The following RPRD1B variants were observed in gnomAD, a reference collection of about 807,000 sequenced individuals.
RPRD1B encodes regulation of nuclear pre-mRNA domain-containing protein 1B.
RPRD1B carries 11 observed loss-of-function variants against 41.5 expected under a neutral mutation model. That is an observed-to-expected ratio of 0.27 (90% CI 0.17 to 0.44). The LOEUF (loss-of-function observed/expected upper bound fraction) is 0.44, where lower values mean the gene tolerates loss of function less well. Ranked by LOEUF, RPRD1B falls within the 20% of genes least tolerant of loss-of-function variation. The pLI, the probability that RPRD1B is intolerant of heterozygous loss-of-function variation, is 1.00. For missense variants in RPRD1B, 248 were observed against 389.9 expected (o/e 0.64, Z 3.06); for synonymous variants, 158 against 155.6 (o/e 1.02, Z -0.12).
Position 38,090,884 on chromosome 20 carries a change from G to A in RPRD1B, c.*1009G>A. The A allele has an allele frequency of 1.0e-6, 1 of 985,238 alleles. No homozygotes were observed. The highest frequency in any genetic ancestry group is 1.2e-6 in the Non-Finnish European group (1 of 829,902). The allele number at this position is 985,238 out of a possible 1,614,324, so 61.0% of individuals were successfully genotyped here. ...ATCACTGCAAATAGGACGCTGAGCA[G>A]GTCCGTCTGTCATGTCACGCCACTG... On this transcript the variant is annotated 3_prime_UTR_variant, in exon 7 of 7. Transcript: ENST00000373433.
intron 1 of RPRD1B, among the ~76,000 whole-genome samples, chr20:38,038,494 T>TTTTG (rs2074028385): frequency 1.6e-5 from 2 of 124,884 alleles, no homozygotes; most frequent in African/African-American, 6.4e-5. Flanking sequence ...TGTTTTGTTT[T>TTTTG]TTTTTTTTTT....
chr20:38,091,853 G>A lies in RPRD1B; in HGVS notation c.*1978G>A. 12 of 985,814 alleles carry A rather than the reference G, an allele frequency of 1.2e-5. No individual in the cohort carries two copies. Among genetic ancestry groups the A allele is most frequent in the Non-Finnish European group, 1.4e-5 (12 of 829,910 alleles). 61.1% of individuals were successfully genotyped at this position (985,814 alleles called of 1,614,324 possible). On this transcript the variant is annotated 3_prime_UTR_variant, in exon 7 of 7. Transcript: ENST00000373433. ...CAACTGAGTCTCTGACCAGCAATTGGTGCATAATTATTACAGCAAAAGTTA... is the reference window on the plus strand; with the variant it reads ...CAACTGAGTCTCTGACCAGCAATTGATGCATAATTATTACAGCAAAAGTTA...
At chr20:38,064,333 G>A (rs1367516689) in intron 5 of RPRD1B, among the ~76,000 whole-genome samples, 1 of 152,136 alleles carries the variant, frequency 6.6e-6, no homozygotes, top group Non-Finnish European at 1.5e-5. Flanking sequence ...AGAAGGCATC[G>A]AAAAGCCAGA....
chr20:38,046,148 G>T (rs748218835), intron 2 of RPRD1B, among the ~76,000 whole-genome samples: 10 of 152,154 alleles, frequency 6.6e-5, no homozygotes, highest in Non-Finnish European at 1.3e-4. Context: ...AATACATACG[G>T]GTGGGTGTTG....
At chr20:38,081,096 T>C (rs1490553487) in intron 6 of RPRD1B, among the ~76,000 whole-genome samples, 6 of 144,052 alleles carry the variant, frequency 4.2e-5, no homozygotes, top group East Asian at 2.0e-4. Context: ...TTCCTAATTC[T>C]GTGAAGAATG....
intron 6 of RPRD1B, among the ~76,000 whole-genome samples, chr20:38,081,498 G>A (rs1490119314): frequency 2.6e-5 from 4 of 152,186 alleles, no homozygotes; most frequent in Admixed American, 2.0e-4. Flanking sequence ...AGCCTGCAAC[G>A]AGAGATAGTT....
rs1223486320 is a variant in RPRD1B, at chr20:38,059,237, T to G, written c.529-157T>G. 3.9e-5 allele frequency among the ~76,000 whole-genome samples: 6 copies of G among 152,222 alleles called. No individual in the cohort carries two copies. In the East Asian group the frequency reaches 9.6e-4, roughly 24 times the overall value. On this transcript the variant is annotated intron_variant, in intron 4 of 6. Coordinates refer to ENST00000373433, the MANE Select transcript of RPRD1B (RefSeq NM_021215.4). The stretch of plus-strand genomic sequence containing the variant: ...TGGATTTTCTTAGAGTCCGTGACAT[T>G]GACTTACATGTAAGCTCTGGGGCTA...
intron 5 of RPRD1B, among the ~76,000 whole-genome samples, chr20:38,061,255 ACT>A (rs1460243094): frequency 2.6e-5 from 4 of 152,152 alleles, no homozygotes; most frequent in African/African-American, 9.7e-5. Flanking sequence ...CCAAACTGAA[ACT>A]CTATACCCGT....
rs1600451305 is a variant in RPRD1B, at chr20:38,090,990, G to T, written c.*1115G>T. ...GCTCGTCTCGGGCAGGGGAAGCGGG[G>T]AGTTGGGGATATTAATTGGGGGTTT... On this transcript the variant is annotated 3_prime_UTR_variant, in exon 7 of 7. Transcript: ENST00000373433. 1.0e-6 allele frequency: 1 copy of T among 985,576 alleles called. No homozygotes were observed. The highest frequency in any genetic ancestry group is 1.2e-6 in the Non-Finnish European group (1 of 829,936). 61.1% of individuals were successfully genotyped at this position (985,576 alleles called of 1,614,324 possible).
Position 38,092,305 on chromosome 20 carries a change from G to A in RPRD1B, c.*2430G>A, listed in dbSNP as rs2074617709. The A allele has an allele frequency of 3.0e-6, 3 of 984,750 alleles. No individual in the cohort carries two copies. The highest frequency in any genetic ancestry group is 6.1e-5 in the Admixed American group (1 of 16,272). 61.0% of individuals were successfully genotyped at this position (984,750 alleles called of 1,614,324 possible). ...GTATAGGCTGTCGTTGGCGGCAGCA[G>A]TATATTCTGAAATGTCTCATAGATA... On this transcript the variant is annotated 3_prime_UTR_variant, in exon 7 of 7. Transcript: ENST00000373433.
chr20:38,062,287 C>G (rs927901988), intron 5 of RPRD1B, among the ~76,000 whole-genome samples: 1 of 152,112 alleles, frequency 6.6e-6, no homozygotes, highest in Non-Finnish European at 1.5e-5. Flanking sequence ...TCATATTAGC[C>G]CCCTTCTTTA....
In RPRD1B at chr20:38,057,593, C is replaced by A. The variant is rs546528471; in HGVS notation, c.477C>A (p.Asp159Glu). 2 of 1,613,996 alleles carry A rather than the reference C, an allele frequency of 1.2e-6. No individual in the cohort carries two copies. The highest frequency in any genetic ancestry group is 3.3e-5 in the Admixed American group (2 of 59,998). ...TFQQIQEEED[D>E]DYPGSYSPQD... ...AGCAAATTCAGGAGGAGGAGGATGA[C>A]GACTACCCTGGCAGCTACTCTCCTC... Residue 159 changes from aspartate (D) to glutamate (E), a missense_variant, in exon 4 of 7, where the codon GAC (aspartate) becomes GAA (glutamate). Asp to Glu is a conservative substitution (Grantham distance 45, BLOSUM62 2). This residue lies in a region of RPRD1B where 94 missense variants were observed against 82.3 expected (regional missense o/e 1.14). Transcript: ENST00000373433.
intron 4 of RPRD1B, 111 bp downstream of exon 4, chr20:38,057,755 C>A: frequency 1.4e-6 from 1 of 740,082 alleles, no homozygotes; most frequent in Non-Finnish European, 2.3e-6. Flanking sequence ...CATCAGAGGG[C>A]ACCTCTCAGG....
At chr20:38,076,274 C>G (rs566095828) in intron 6 of RPRD1B, among the ~76,000 whole-genome samples, 2 of 152,280 alleles carry the variant, frequency 1.3e-5, no homozygotes, top group African/African-American at 4.8e-5. Flanking sequence ...GTCCTCCCAG[C>G]GTTTTATCTT....
intron 3 of RPRD1B, 88 bp downstream of exon 3, chr20:38,048,569 C>CTA: frequency 6.7e-7 from 1 of 1,500,038 alleles, no homozygotes; most frequent in East Asian, 2.3e-5. Flanking sequence ...TTGCTGTGAA[C>CTA]CACCAGCGAT....
intron 5 of RPRD1B, among the ~76,000 whole-genome samples, chr20:38,062,082 A>C (rs2074303425): frequency 6.6e-6 from 1 of 152,182 alleles, no homozygotes; most frequent in Middle Eastern, 3.2e-3. Flanking sequence ...GGTTGGAGCG[A>C]TGTGCTTTGA....
At chr20:38,034,722 A>ACCTCTCCTCT (rs1011733080) in intron 1 of RPRD1B, among the ~76,000 whole-genome samples, 1 of 151,244 alleles carries the variant, frequency 6.6e-6, no homozygotes, top group African/African-American at 2.5e-5. Context: ...CCCAGACCTT[A>ACCTCTCCTCT]CCTCTCCTCT....
intron 6 of RPRD1B, among the ~76,000 whole-genome samples, chr20:38,078,147 G>A (rs1415177123): frequency 1.3e-5 from 2 of 150,536 alleles, no homozygotes; most frequent in African/African-American, 4.9e-5. Context: ...CAGCCTGGGC[G>A]ACAGAGTGCA....
At chr20:38,057,438 C>A in intron 3 of RPRD1B, 94 bp from the exon 4 acceptor site, 1 of 797,940 alleles carries the variant, frequency 1.3e-6, no homozygotes, top group Non-Finnish European at 2.2e-6. Context: ...TGTGCCCCTT[C>A]TGCCCTGTTT....
Sources: allele counts gnomAD v4.1 joint callset (sites outside exome capture counted in the v4.1 genomes callset), GRCh38; gene constraint gnomAD v4.1.1; regional missense constraint gnomAD v4.1.1; transcripts MANE v1.5; gene names NCBI Gene and HGNC (gene_info 2026-07-23, HGNC 2026-07-21).